Variants in CBFB observed in about 807,000 individuals in gnomAD.
CBFB encodes core-binding factor subunit beta.
Under a neutral mutation model 30.4 loss-of-function variants are expected in CBFB, and 9 were observed. The ratio of observed to expected loss-of-function variants is 0.30; its 90% CI spans 0.18 to 0.52. The LOEUF (loss-of-function observed/expected upper bound fraction) is 0.52. Among genes scored for constraint, CBFB ranks in the 20% least tolerant of loss-of-function variants. The probability of loss-of-function intolerance (pLI) is 0.97; values close to 1 mark genes in which losing one functional copy is unlikely to be tolerated. For synonymous variants in CBFB, 94 were observed against 84.0 expected, an observed-to-expected ratio of 1.12 and a Z score of -0.65; for missense variants, 170 against 244.0, an observed-to-expected ratio of 0.70 and a Z score of 2.02.
chr16:67,069,944 G>A (rs530770928), intron 4 of CBFB, among the ~76,000 whole-genome samples: 165 of 152,158 alleles, frequency 1.1e-3, no homozygotes, highest in Non-Finnish European at 4.4e-4. Context: ...AGCTGTGATC[G>A]CACCACTGCA....
intron 3 of CBFB, among the ~76,000 whole-genome samples, chr16:67,042,275 T>C (rs1966545060): frequency 6.6e-6 from 1 of 152,172 alleles, no homozygotes; most frequent in South Asian, 2.1e-4. Context: ...TCTGCCTCTG[T>C]CTCTTGACTG....
At chr16:67,080,226 T>G (rs1961517437) in intron 4 of CBFB, among the ~76,000 whole-genome samples, 1 of 148,126 alleles carries the variant, frequency 6.8e-6, no homozygotes, top group South Asian at 2.1e-4. Context: ...AAAGGCATAC[T>G]CCGATGGCTG....
At chr16:67,090,774 T>C (rs1961859123) in intron 5 of CBFB, among the ~76,000 whole-genome samples, 1 of 152,218 alleles carries the variant, frequency 6.6e-6, no homozygotes, top group African/African-American at 2.4e-5. Context: ...ATGGGTAAAT[T>C]ATTGTTTATC....
intron 5 of CBFB, among the ~76,000 whole-genome samples, chr16:67,090,011 A>G (rs956110358): frequency 3.9e-5 from 6 of 152,162 alleles, no homozygotes; most frequent in African/African-American, 9.7e-5. Flanking sequence ...CGAAGATACT[A>G]TTTTGCCAAG....
In CBFB at chr16:67,044,462, G is replaced by T. The variant is rs1036512699; in HGVS notation, c.282+7707G>T. Among the ~76,000 whole-genome samples, 89 of 152,126 alleles carry T rather than the reference G, an allele frequency of 5.9e-4. 1 individual carries two copies. The highest frequency in any genetic ancestry group is 2.0e-3 in the African/African-American group (84 of 41,520). ...GTCAAATACATTAATGTCAGACATC[G>T]AGAAGTATTTATTAAGTATATGTCA... On this transcript the variant is annotated intron_variant, in intron 3 of 5. Transcript: ENST00000412916.
At chr16:67,068,636 A>G (rs1006668611) in intron 4 of CBFB, among the ~76,000 whole-genome samples, 4 of 152,210 alleles carry the variant, frequency 2.6e-5, no homozygotes, top group African/African-American at 7.2e-5. Flanking sequence ...TTGCTACAGT[A>G]TATTATCTAA....
chr16:67,086,735 C>T (rs191781836), intron 5 of CBFB, among the ~76,000 whole-genome samples: 4 of 152,188 alleles, frequency 2.6e-5, no homozygotes, highest in Admixed American at 2.6e-4. Flanking sequence ...GTGTGTTGGT[C>T]TGTATTCTGC....
intron 3 of CBFB, among the ~76,000 whole-genome samples, chr16:67,050,087 A>G (rs538887965): frequency 8.7e-4 from 132 of 151,260 alleles, no homozygotes; most frequent in South Asian, 3.9e-3. Context: ...CAAACTCCAC[A>G]TACCACCTTC....
intron 4 of CBFB, among the ~76,000 whole-genome samples, chr16:67,076,027 C>G (rs367698598): frequency 2.0e-5 from 3 of 152,220 alleles, no homozygotes; most frequent in Middle Eastern, 6.8e-3. Context: ...GTCAGGAGTT[C>G]GAGACCACCT....
chr16:67,086,758 G>A (rs1330594668), intron 5 of CBFB, among the ~76,000 whole-genome samples: 1 of 152,152 alleles, frequency 6.6e-6, no homozygotes, highest in African/African-American at 2.4e-5. Flanking sequence ...TAGGGACTGA[G>A]AAATATATAG....
At chr16:67,061,473 A>AT (rs944981085) in intron 3 of CBFB, among the ~76,000 whole-genome samples, 1 of 151,862 alleles carries the variant, frequency 6.6e-6, no homozygotes, top group African/African-American at 2.4e-5. Context: ...CTTAAATGAC[A>AT]TTTTTTTTGA....
intron 3 of CBFB, among the ~76,000 whole-genome samples, chr16:67,058,367 C>T (rs975930399): frequency 2.0e-5 from 3 of 152,180 alleles, no homozygotes; most frequent in African/African-American, 7.2e-5. Flanking sequence ...TCTCCAACTC[C>T]TGACCTCAAG....
intron 3 of CBFB, among the ~76,000 whole-genome samples, chr16:67,046,913 GA>G (rs2145725671): frequency 6.6e-6 from 1 of 152,190 alleles, no homozygotes; most frequent in East Asian, 1.9e-4. Context: ...CTTTTTTTAT[GA>G]AAGTATGCAC....
chr16:67,062,173 A>AT (rs930949528), intron 3 of CBFB, among the ~76,000 whole-genome samples: 94 of 146,830 alleles, frequency 6.4e-4, no homozygotes, highest in Non-Finnish European at 7.4e-4. Context: ...TTATAAGGAA[A>AT]TTTTTTTTTT....
intron 3 of CBFB, among the ~76,000 whole-genome samples, chr16:67,036,978 A>G (rs1966450147): frequency 6.6e-6 from 1 of 151,938 alleles, no homozygotes; most frequent in African/African-American, 2.4e-5. Context: ...GGTTCACTGC[A>G]ATCTCCGCCT....
intron 5 of CBFB, among the ~76,000 whole-genome samples, chr16:67,083,557 GTGC>G (rs1189975472): frequency 1.3e-5 from 2 of 152,096 alleles, no homozygotes; most frequent in Non-Finnish European, 2.9e-5. Flanking sequence ...ACCTCCCAAA[GTGC>G]TTGGATTGAT....
In CBFB at chr16:67,053,757, C is replaced by T. The variant is rs980524856; in HGVS notation, c.283-12925C>T. Among the ~76,000 whole-genome samples the T allele has an allele frequency of 2.0e-5, 3 of 151,598 alleles. No individual in the cohort carries two copies. In the South Asian group the frequency reaches 6.2e-4, roughly 32 times the overall value. On this transcript the variant is annotated intron_variant, in intron 3 of 5. Transcript: ENST00000412916. ...ACTGAAACCATTGCTCACCGTGTGC[C>T]GGAGATGTGGAGGAATATGGTCAGA...
chr16:67,092,153 C>T (rs1961903340), intron 5 of CBFB, among the ~76,000 whole-genome samples: 1 of 152,054 alleles, frequency 6.6e-6, no homozygotes, highest in Non-Finnish European at 1.5e-5. Context: ...AATTGTTCAA[C>T]TCCCACTTAT....
intron 3 of CBFB, among the ~76,000 whole-genome samples, chr16:67,055,748 A>ATTTT (rs1960705721): frequency 6.6e-6 from 1 of 152,106 alleles, no homozygotes; most frequent in African/African-American, 2.4e-5. Flanking sequence ...AGAAGAAGCT[A>ATTTT]TTTTTACACA....
Sources: gnomAD v4.1 joint callset for allele counts (sites outside exome capture counted in the v4.1 genomes callset) on GRCh38, gnomAD v4.1.1 for gene constraint, MANE v1.5 for transcripts, NCBI Gene and HGNC (gene_info 2026-07-23, HGNC 2026-07-21) for gene names.